Variants in PTPRD observed in about 807,000 individuals in gnomAD.
The protein encoded by PTPRD is receptor-type tyrosine-protein phosphatase delta.
PTPRD carries 34 observed loss-of-function variants against 214.5 expected under a neutral mutation model. The observed-to-expected ratio is 0.16, with a 90% CI of 0.12 to 0.21. The LOEUF is 0.21. Ranked by LOEUF, PTPRD falls within the 10% of genes least tolerant of loss-of-function variation. The pLI is 1.00. For synonymous variants in PTPRD, 1,128 were observed against 845.7 expected, an observed-to-expected ratio of 1.33 and a Z score of -5.79; for missense variants, 2,545 against 2,398.7, an observed-to-expected ratio of 1.06 and a Z score of -1.27.
Position 10,227,606 on chromosome 9 carries a change from T to G in PTPRD, c.-545+113357A>C, listed in dbSNP as rs181177460. Among the ~76,000 whole-genome samples, 649 of 152,088 alleles carry G rather than the reference T, an allele frequency of 4.3e-3. 6 individuals carry two copies. Among genetic ancestry groups the G allele is most frequent in the African/African-American group, 0.015 (617 of 41,528 alleles). On this transcript the variant is annotated intron_variant, in intron 3 of 45. Transcript: ENST00000381196. The stretch of plus-strand genomic sequence containing the variant: ...CCTCAATGATGCCTTGAGTCCTGGG[T>G]GCATTTTTCATCCATCCTTAGAAAG...
chr9:8,739,176 A>G (rs1313134024), intron 11 of PTPRD, among the ~76,000 whole-genome samples: 3 of 152,230 alleles, frequency 2.0e-5, no homozygotes, highest in Non-Finnish European at 2.9e-5. Flanking sequence ...AGCAAACCTG[A>G]CAGAGGCTTC....
At chr9:8,836,230 G>A (rs750114944) in intron 11 of PTPRD, among the ~76,000 whole-genome samples, 5 of 152,080 alleles carry the variant, frequency 3.3e-5, no homozygotes, top group East Asian at 1.9e-4. Flanking sequence ...TAATTCAGGC[G>A]TAAATACTGC....
chr9:9,061,515 C>A (rs906204995), intron 10 of PTPRD, among the ~76,000 whole-genome samples: 4 of 152,060 alleles, frequency 2.6e-5, no homozygotes, highest in African/African-American at 7.2e-5. Context: ...TTTCTCTTTG[C>A]CCATATATAG....
chr9:10,342,445 A>G (rs1426692873), intron 2 of PTPRD, among the ~76,000 whole-genome samples: 1 of 152,132 alleles, frequency 6.6e-6, no homozygotes, highest in East Asian at 1.9e-4. Flanking sequence ...TGATAAATGT[A>G]TCAACATTGT....
chr9:9,008,560 G>A (rs766195693), intron 11 of PTPRD, among the ~76,000 whole-genome samples: 1 of 151,990 alleles, frequency 6.6e-6, no homozygotes, highest in Non-Finnish European at 1.5e-5. Flanking sequence ...GCATTCTAGT[G>A]TGTCAATCTG....
At chr9:9,914,399 G>A (rs1250939978) in intron 5 of PTPRD, among the ~76,000 whole-genome samples, 1 of 152,180 alleles carries the variant, frequency 6.6e-6, no homozygotes, top group East Asian at 1.9e-4. Context: ...AGCTTCAGGT[G>A]TCCACCCCTA....
chr9:8,580,498 T>C (rs1394465989), intron 14 of PTPRD, among the ~76,000 whole-genome samples: 4 of 152,322 alleles, frequency 2.6e-5, no homozygotes, highest in Non-Finnish European at 5.9e-5. Context: ...GATGGACTTT[T>C]TATTTTTGAA....
intron 3 of PTPRD, among the ~76,000 whole-genome samples, chr9:10,045,566 C>G (rs1405032807): frequency 4.0e-5 from 6 of 151,594 alleles, no homozygotes; most frequent in Non-Finnish European, 7.4e-5. Flanking sequence ...TATGTTTCAG[C>G]TATCATTTTG....
At chr9:9,555,145 C>T (rs146410968) in intron 8 of PTPRD, among the ~76,000 whole-genome samples, 1 of 152,150 alleles carries the variant, frequency 6.6e-6, no homozygotes, top group East Asian at 1.9e-4. Flanking sequence ...GTTTGTAATA[C>T]TGCCAACATG....
chr9:9,724,208 G>C (rs573272950), intron 7 of PTPRD, among the ~76,000 whole-genome samples: 11 of 152,224 alleles, frequency 7.2e-5, no homozygotes, highest in African/African-American at 2.6e-4. Context: ...CACCTTTAAA[G>C]TTGTCTCTGT....
intron 10 of PTPRD, among the ~76,000 whole-genome samples, chr9:9,167,805 A>T (rs573560569): frequency 1.2e-4 from 19 of 152,264 alleles, no homozygotes; most frequent in African/African-American, 4.6e-4. Flanking sequence ...ATCTACAAAA[A>T]AGCAAAATTA....
At chr9:9,521,917 G>T (rs930941421) in intron 8 of PTPRD, among the ~76,000 whole-genome samples, 1 of 152,080 alleles carries the variant, frequency 6.6e-6, no homozygotes, top group African/African-American at 2.4e-5. Flanking sequence ...TGGCACTTTG[G>T]GAGGCAGAGG....
intron 12 of PTPRD, among the ~76,000 whole-genome samples, chr9:8,716,928 G>A (rs539638644): frequency 2.0e-5 from 3 of 152,302 alleles, no homozygotes; most frequent in Non-Finnish European, 2.9e-5. Flanking sequence ...CACTCTGGGA[G>A]GCTAAGGGGA....
chr9:10,363,350 CA>C (rs1302981911), intron 2 of PTPRD, among the ~76,000 whole-genome samples: 2 of 152,112 alleles, frequency 1.3e-5, no homozygotes, highest in Non-Finnish European at 2.9e-5. Context: ...AAATCACTTA[CA>C]AGTTATAATA....
chr9:8,322,114 G>C (rs1051524881), intron 44 of PTPRD, among the ~76,000 whole-genome samples: 2 of 152,120 alleles, frequency 1.3e-5, no homozygotes, highest in South Asian at 4.1e-4. Context: ...AAATGTGTGT[G>C]TTATGACTGC....
chr9:10,112,396 T>C (rs1003351186), intron 3 of PTPRD, among the ~76,000 whole-genome samples: 1 of 152,236 alleles, frequency 6.6e-6, no homozygotes, highest in Non-Finnish European at 1.5e-5. Context: ...TTTAAAGATT[T>C]GTTCAATGAT....
intron 4 of PTPRD, among the ~76,000 whole-genome samples, chr9:9,986,237 C>A (rs1050454094): frequency 6.6e-6 from 1 of 152,086 alleles, no homozygotes; most frequent in African/African-American, 2.4e-5. Context: ...TTCTTCTGAT[C>A]CAAAAATTCC....
At chr9:9,479,327 G>A (rs1047923519) in intron 8 of PTPRD, among the ~76,000 whole-genome samples, 1 of 123,602 alleles carries the variant, frequency 8.1e-6, no homozygotes, top group Non-Finnish European at 1.6e-5. Flanking sequence ...TCATGCCTTC[G>A]AGAAAATGTG....
At chr9:9,781,052 G>T (rs769238422) in intron 5 of PTPRD, among the ~76,000 whole-genome samples, 1 of 152,184 alleles carries the variant, frequency 6.6e-6, no homozygotes, top group Admixed American at 6.5e-5. Context: ...GGAACAAATA[G>T]GAGGAGCACA....
Sources: gnomAD v4.1 joint callset for allele counts (sites outside exome capture counted in the v4.1 genomes callset) on GRCh38, gnomAD v4.1.1 for gene constraint, MANE v1.5 for transcripts, NCBI Gene and HGNC (gene_info 2026-07-23, HGNC 2026-07-21) for gene names.